The following DCC variants were observed in gnomAD, a reference collection of about 807,000 sequenced individuals.
DCC encodes netrin receptor DCC.
In DCC, 58 loss-of-function variants were observed where a neutral mutation model predicts 172.5. The observed-to-expected ratio is 0.34, with a 90% CI of 0.27 to 0.42. The LOEUF is 0.42. Ranked by LOEUF, DCC falls within the 10% of genes least tolerant of loss-of-function variation. The pLI is 1.00. For synonymous variants in DCC, 709 were observed against 644.5 expected (o/e 1.10, Z -1.52); for missense variants, 1,740 against 1,791.0 (o/e 0.97, Z 0.51).
intron 7 of DCC, among the ~76,000 whole-genome samples, chr18:53,068,394 C>T (rs922263597): frequency 1.3e-5 from 2 of 151,110 alleles, no homozygotes; most frequent in African/African-American, 4.9e-5. Context: ...GATGTATCTC[C>T]TAATGCTATC....
chr18:52,545,013 G>GTTCA (rs1327257734), intron 1 of DCC, among the ~76,000 whole-genome samples: 1 of 152,212 alleles, frequency 6.6e-6, no homozygotes, highest in African/African-American at 2.4e-5. Flanking sequence ...ATGCTTAGCA[G>GTTCA]TTCAGAGGTG....
intron 2 of DCC, among the ~76,000 whole-genome samples, chr18:52,835,347 A>G (rs987539088): frequency 2.6e-5 from 4 of 152,308 alleles, no homozygotes; most frequent in Non-Finnish European, 5.9e-5. Flanking sequence ...TTTACTTTCT[A>G]TTTTTTTCCC....
At chr18:53,296,889 T>C (rs1343571282) in intron 12 of DCC, among the ~76,000 whole-genome samples, 1 of 152,176 alleles carries the variant, frequency 6.6e-6, no homozygotes, top group Non-Finnish European at 1.5e-5. Context: ...ACTTTCAGAG[T>C]GCCCTTCATA....
intron 2 of DCC, among the ~76,000 whole-genome samples, chr18:52,855,893 G>A (rs1264759480): frequency 1.3e-5 from 2 of 149,532 alleles, no homozygotes; most frequent in African/African-American, 4.9e-5. Context: ...AGCTTCCTAA[G>A]TAGCTGGGAT....
Position 52,351,735 on chromosome 18 carries a change from A to AT in DCC, c.91+10865dup, listed in dbSNP as rs543607878. Among the ~76,000 whole-genome samples, 93 of 152,154 alleles carry AT rather than the reference A, an allele frequency of 6.1e-4. 3 individuals are homozygous for AT. The South Asian group carries it at 0.019, about 31-fold the overall frequency. On this transcript the variant is annotated intron_variant, in intron 1 of 28. Transcript: ENST00000442544. Reference sequence around the variant, plus strand: ...ACGTGTTTAGTAAACCTAAACCTAAATTTTTTTTGGAGTTTTTATAGATTA... The same window carrying AT: ...ACGTGTTTAGTAAACCTAAACCTAAATTTTTTTTTGGAGTTTTTATAGATTA...
At chr18:53,101,197 A>G (rs2043167801) in intron 7 of DCC, among the ~76,000 whole-genome samples, 1 of 152,094 alleles carries the variant, frequency 6.6e-6, no homozygotes, top group African/African-American at 2.4e-5. Context: ...CCCAAGGTCG[A>G]TTGTGAACAC....
chr18:52,963,979 C>T (rs553862076), intron 5 of DCC, among the ~76,000 whole-genome samples: 14 of 152,018 alleles, frequency 9.2e-5, no homozygotes, highest in African/African-American at 2.7e-4. Flanking sequence ...AAGGAAAATT[C>T]CTAACCTCAA....
intron 5 of DCC, among the ~76,000 whole-genome samples, chr18:53,050,287 A>AGAAACACCCAGATACACCCG (rs2042317108): frequency 6.6e-6 from 1 of 150,512 alleles, no homozygotes; most frequent in Non-Finnish European, 1.5e-5. Flanking sequence ...GTTAACACCC[A>AGAAACACCCAGATACACCCG]GAAACACCCA....
intron 7 of DCC, among the ~76,000 whole-genome samples, chr18:53,096,250 G>A (rs2043086686): frequency 1.3e-5 from 2 of 152,164 alleles, no homozygotes; most frequent in Non-Finnish European, 2.9e-5. Flanking sequence ...GAGGCAGGAA[G>A]ATCGCTTGAG....
chr18:52,613,835 G>A (rs1057392811), intron 1 of DCC, among the ~76,000 whole-genome samples: 2 of 152,094 alleles, frequency 1.3e-5, no homozygotes, highest in Admixed American at 1.3e-4. Context: ...ACACACGTTG[G>A]GTCCTATACT....
intron 5 of DCC, among the ~76,000 whole-genome samples, chr18:53,002,754 C>T (rs1290471135): frequency 3.3e-5 from 5 of 152,050 alleles, no homozygotes; most frequent in South Asian, 4.2e-4. Context: ...TTAAAAGAAA[C>T]GTTTATTTTT....
At chr18:52,415,468 A>G (rs973530349) in intron 1 of DCC, among the ~76,000 whole-genome samples, 1 of 152,212 alleles carries the variant, frequency 6.6e-6, no homozygotes, top group Admixed American at 6.5e-5. Flanking sequence ...ACAGCAAGGC[A>G]CTGTGTAAAC....
At chr18:53,031,540 C>G (rs1395704656) in intron 5 of DCC, among the ~76,000 whole-genome samples, 1 of 151,802 alleles carries the variant, frequency 6.6e-6, no homozygotes, top group Non-Finnish European at 1.5e-5. Context: ...TGCTGTATAT[C>G]TGCAGGACTT....
intron 12 of DCC, among the ~76,000 whole-genome samples, chr18:53,305,004 G>A (rs1020259891): frequency 1.9e-4 from 29 of 152,084 alleles, no homozygotes; most frequent in African/African-American, 3.9e-4. Context: ...TAAGTCTCAC[G>A]AGATCTGATA....
At chr18:53,214,766 G>C (rs191610030) in intron 11 of DCC, among the ~76,000 whole-genome samples, 48 of 152,158 alleles carry the variant, frequency 3.2e-4, no homozygotes, top group African/African-American at 1.1e-3. Flanking sequence ...ACACATAAAA[G>C]CCATTCAATA....
intron 5 of DCC, among the ~76,000 whole-genome samples, chr18:52,987,219 A>G (rs1226492272): frequency 1.3e-5 from 2 of 152,200 alleles, no homozygotes; most frequent in Non-Finnish European, 1.5e-5. Flanking sequence ...AGCAAAAGCA[A>G]TCAGGTTTTC....
chr18:53,242,406 A>C (rs2056308903), intron 12 of DCC, among the ~76,000 whole-genome samples: 1 of 152,168 alleles, frequency 6.6e-6, no homozygotes, highest in African/African-American at 2.4e-5. Context: ...CTAACACATT[A>C]TCTGAAACAT....
intron 7 of DCC, among the ~76,000 whole-genome samples, chr18:53,071,268 T>A (rs536643790): frequency 2.0e-4 from 31 of 152,338 alleles, no homozygotes; most frequent in Admixed American, 1.9e-3. Context: ...GAACATAATC[T>A]GCTGAATTAA....
chr18:52,847,405 C>T (rs1568142671), intron 2 of DCC, among the ~76,000 whole-genome samples: 1 of 152,124 alleles, frequency 6.6e-6, no homozygotes, highest in East Asian at 1.9e-4. Flanking sequence ...GATGAGTGTG[C>T]TTGAACATCA....
Sources: allele counts gnomAD v4.1 joint callset (sites outside exome capture counted in the v4.1 genomes callset), GRCh38; gene constraint gnomAD v4.1.1; transcripts MANE v1.5; gene names NCBI Gene and HGNC (gene_info 2026-07-23, HGNC 2026-07-21).